The following EPHB1 variants were observed in gnomAD, a reference collection of about 807,000 sequenced individuals.
EPHB1 encodes the protein EPH receptor B1.
In EPHB1, 30 loss-of-function variants were observed where a neutral mutation model predicts 94.4. The observed-to-expected ratio is 0.32, with a 90% CI of 0.24 to 0.43. The LOEUF (loss-of-function observed/expected upper bound fraction) is 0.43. Ranked by LOEUF, EPHB1 falls within the 20% of genes least tolerant of loss-of-function variation. The pLI is 1.00. For missense variants in EPHB1, 1,055 were observed against 1,308.3 expected, an observed-to-expected ratio of 0.81 and a Z score of 2.99; for synonymous variants, 522 against 489.1, an observed-to-expected ratio of 1.07 and a Z score of -0.89.
intron 3 of EPHB1, among the ~76,000 whole-genome samples, chr3:134,977,096 A>G (rs751571604): frequency 4.1e-4 from 63 of 152,208 alleles, no homozygotes; most frequent in Non-Finnish European, 6.9e-4. Flanking sequence ...TCACCTTCAC[A>G]GCTTAGCAGA....
intron 15 of EPHB1, among the ~76,000 whole-genome samples, chr3:135,255,467 G>C (rs1011423089): frequency 2.1e-5 from 3 of 143,318 alleles, no homozygotes; most frequent in African/African-American, 5.2e-5. Context: ...CCTACATTTC[G>C]TTATGTACCC....
chr3:135,050,467 TC>T (rs1186517810), intron 3 of EPHB1, among the ~76,000 whole-genome samples: 2 of 152,228 alleles, frequency 1.3e-5, no homozygotes, highest in Non-Finnish European at 2.9e-5. Flanking sequence ...GTGGGCATTG[TC>T]TTCCTGGTGC....
At chr3:134,976,644 C>G (rs936595019) in intron 3 of EPHB1, among the ~76,000 whole-genome samples, 4 of 152,166 alleles carry the variant, frequency 2.6e-5, no homozygotes, top group African/African-American at 9.7e-5. Context: ...TAACACCCAT[C>G]ATGGCCCAAA....
intron 15 of EPHB1, among the ~76,000 whole-genome samples, chr3:135,255,278 T>C (rs968469555): frequency 1.9e-4 from 29 of 152,156 alleles, no homozygotes; most frequent in Admixed American, 3.3e-4. Context: ...TTGCTCTTGC[T>C]TTTCTAGTTC....
At chr3:134,920,017 C>T (rs2038651804) in intron 1 of EPHB1, among the ~76,000 whole-genome samples, 1 of 152,122 alleles carries the variant, frequency 6.6e-6, no homozygotes, top group Admixed American at 6.5e-5. Flanking sequence ...TCCATGCTCA[C>T]ATTGTACCTA....
chr3:135,025,073 T>C (rs1266375579), intron 3 of EPHB1, among the ~76,000 whole-genome samples: 2 of 150,958 alleles, frequency 1.3e-5, no homozygotes, highest in East Asian at 3.9e-4. Context: ...GTGTTTAGAT[T>C]ATTATATCTA....
intron 4 of EPHB1, among the ~76,000 whole-genome samples, chr3:135,125,772 G>A (rs750490576): frequency 4.0e-4 from 61 of 152,086 alleles, no homozygotes; most frequent in Non-Finnish European, 6.5e-4. Context: ...GCTTTTAGCC[G>A]TGTGTGCCAT....
At position 135,070,182 on chromosome 3, in the gene EPHB1, C is replaced by G. The variant is rs572349087; in HGVS notation, c.806-36266C>G. ...TGGGTCACAATCCACGTTATCCAAC[C>G]TGATACACAGAGTTATGCCTCCTAG... is the stretch of plus-strand genomic sequence containing the variant. On this transcript the variant is annotated intron_variant, in intron 3 of 15. Transcript: ENST00000398015. Among the ~76,000 whole-genome samples, 53 of 152,286 alleles carry G rather than the reference C, an allele frequency of 3.5e-4. No individual in the cohort carries two copies. The South Asian group carries it at 7.3e-3, about 21-fold the overall frequency.
At chr3:134,893,072 C>G (rs569989174) in intron 1 of EPHB1, among the ~76,000 whole-genome samples, 2 of 152,150 alleles carry the variant, frequency 1.3e-5, no homozygotes, top group Non-Finnish European at 2.9e-5. Flanking sequence ...ATCTGAGAAC[C>G]AATTCAGTTA....
chr3:134,822,218 C>T (rs2036395317), intron 1 of EPHB1, among the ~76,000 whole-genome samples: 1 of 152,170 alleles, frequency 6.6e-6, no homozygotes, highest in Admixed American at 6.5e-5. Flanking sequence ...GGGGTCCTAT[C>T]TGCCATGCTG....
chr3:135,006,138 A>G (rs999793835), intron 3 of EPHB1, among the ~76,000 whole-genome samples: 3 of 152,224 alleles, frequency 2.0e-5, no homozygotes, highest in Non-Finnish European at 2.9e-5. Flanking sequence ...TGAGTCAATT[A>G]AACCTCTTTC....
intron 1 of EPHB1, among the ~76,000 whole-genome samples, chr3:134,805,223 A>G (rs1335956239): frequency 2.0e-5 from 3 of 152,096 alleles, no homozygotes; most frequent in Non-Finnish European, 4.4e-5. Flanking sequence ...GGCCGTTGTC[A>G]CAGGACCAGA....
intron 2 of EPHB1, among the ~76,000 whole-genome samples, chr3:134,926,819 A>G (rs1256757993): frequency 6.6e-6 from 1 of 152,220 alleles, no homozygotes; most frequent in Non-Finnish European, 1.5e-5. Context: ...AAAGGCATTT[A>G]AGAGGCTCTT....
chr3:135,149,287 C>T (rs114520443), intron 5 of EPHB1, among the ~76,000 whole-genome samples: 1,679 of 152,278 alleles, frequency 0.011, 16 homozygotes, highest in Middle Eastern at 0.037. Flanking sequence ...TTATTCAAAA[C>T]CTTTATGTGT....
At chr3:134,858,576 T>C (rs2108302735) in intron 1 of EPHB1, among the ~76,000 whole-genome samples, 1 of 152,194 alleles carries the variant, frequency 6.6e-6, no homozygotes, top group Non-Finnish European at 1.5e-5. Flanking sequence ...CAACGTAAAT[T>C]AAGGAGCCTG....
intron 1 of EPHB1, among the ~76,000 whole-genome samples, chr3:134,811,398 C>A (rs572115799): frequency 6.6e-6 from 1 of 151,986 alleles, no homozygotes; most frequent in African/African-American, 2.4e-5. Flanking sequence ...ACCACCATGG[C>A]TGGCTAATTT....
intron 1 of EPHB1, among the ~76,000 whole-genome samples, chr3:134,865,114 G>A (rs1299675717): frequency 1.3e-5 from 2 of 152,138 alleles, no homozygotes; most frequent in East Asian, 3.8e-4. Context: ...GAGAGAGTGT[G>A]TGTGTGTGTT....
chr3:135,022,108 T>C (rs1027445417), intron 3 of EPHB1, among the ~76,000 whole-genome samples: 2 of 152,068 alleles, frequency 1.3e-5, no homozygotes, highest in African/African-American at 2.4e-5. Context: ...GCCTCCCGAG[T>C]AGCTGGGACT....
chr3:135,258,991 T>A, intron 15 of EPHB1, 21 bp from the exon 16 acceptor site: 17 of 1,575,196 alleles, frequency 1.1e-5, no homozygotes, highest in Non-Finnish European at 1.5e-5. Context: ...AGTGACTTCT[T>A]TTCTGGCTCT....
Sources: gnomAD v4.1 joint callset for allele counts (sites outside exome capture counted in the v4.1 genomes callset) on GRCh38, gnomAD v4.1.1 for gene constraint, MANE v1.5 for transcripts, NCBI Gene and HGNC (gene_info 2026-07-23, HGNC 2026-07-21) for gene names.